Variants in MPPED2 observed in about 807,000 individuals in gnomAD.
MPPED2 encodes metallophosphoesterase MPPED2.
A neutral mutation model predicts 33.0 loss-of-function variants in MPPED2; 5 were observed. The ratio of observed to expected loss-of-function variants is 0.15; its 90% CI spans 0.08 to 0.32. The LOEUF (loss-of-function observed/expected upper bound fraction) is 0.32, where lower values mean the gene tolerates loss of function less well. Ranked by LOEUF, MPPED2 falls within the 10% of genes least tolerant of loss-of-function variation. The probability of loss-of-function intolerance (pLI) is 1.00; values close to 1 mark genes in which losing one functional copy is unlikely to be tolerated. For synonymous variants in MPPED2, 136 were observed against 141.9 expected, an observed-to-expected ratio of 0.96 and a Z score of 0.29; for missense variants, 275 against 372.1, an observed-to-expected ratio of 0.74 and a Z score of 2.15.
chr11:30,431,193 C>T (rs1215124361), intron 4 of MPPED2, among the ~76,000 whole-genome samples: 6 of 152,078 alleles, frequency 3.9e-5, no homozygotes, highest in Non-Finnish European at 7.4e-5. Flanking sequence ...TGGATTATTA[C>T]GATAAAAAGG....
At chr11:30,467,570 T>C (rs1950762611) in intron 4 of MPPED2, among the ~76,000 whole-genome samples, 1 of 152,126 alleles carries the variant, frequency 6.6e-6, no homozygotes, top group Non-Finnish European at 1.5e-5. Flanking sequence ...TCCCACCAAA[T>C]GGCCTGGATC....
At chr11:30,413,494 A>T (rs929270538) in intron 6 of MPPED2, among the ~76,000 whole-genome samples, 20 of 152,252 alleles carry the variant, frequency 1.3e-4, no homozygotes, top group African/African-American at 4.8e-4. Context: ...GAAAACCCAG[A>T]TCCCTTGAAG....
At chr11:30,431,462 G>A (rs1256943691) in intron 4 of MPPED2, among the ~76,000 whole-genome samples, 3 of 152,182 alleles carry the variant, frequency 2.0e-5, no homozygotes, top group African/African-American at 7.2e-5. Flanking sequence ...ACATTGTTGG[G>A]AACATTAAAT....
At chr11:30,513,401 G>A (rs1460628165) in intron 3 of MPPED2, among the ~76,000 whole-genome samples, 69 of 152,118 alleles carry the variant, frequency 4.5e-4, no homozygotes, top group Admixed American at 4.5e-3. Context: ...TCTACCAGTG[G>A]GCTCAGATAT....
At chr11:30,388,837 T>C in exon 7 of MPPED2, 5 of 1,505,482 alleles carry the variant, frequency 3.3e-6, no homozygotes, top group Non-Finnish European at 4.4e-6. Context: ...GCTCACACAA[T>C]GCTAATTCAT....
chr11:30,459,390 C>G (rs1950427735), intron 4 of MPPED2, among the ~76,000 whole-genome samples: 1 of 152,188 alleles, frequency 6.6e-6, no homozygotes, highest in East Asian at 1.9e-4. Flanking sequence ...TTGAAATACA[C>G]AACATCACTA....
At chr11:30,517,270 G>A (rs1953587395) in intron 3 of MPPED2, among the ~76,000 whole-genome samples, 1 of 152,102 alleles carries the variant, frequency 6.6e-6, no homozygotes, top group Admixed American at 6.5e-5. Flanking sequence ...GGGAAGGCAG[G>A]GCACAGCTCT....
chr11:30,492,411 T>A (rs2134188819), intron 4 of MPPED2, among the ~76,000 whole-genome samples: 1 of 152,260 alleles, frequency 6.6e-6, no homozygotes, highest in African/African-American at 2.4e-5. Context: ...GGAATAGCCT[T>A]AAATGTCCTG....
downstream of MPPED2, among the ~76,000 whole-genome samples, chr11:30,405,803 G>A (rs1444660814): frequency 6.6e-6 from 1 of 150,778 alleles, no homozygotes; most frequent in African/African-American, 2.5e-5. Flanking sequence ...ACAATTGACA[G>A]AATAAAAATC....
chr11:30,580,948 G>T (rs1957138660), intron 1 of MPPED2, among the ~76,000 whole-genome samples: 1 of 152,186 alleles, frequency 6.6e-6, no homozygotes, highest in African/African-American at 2.4e-5. Context: ...TGACAGATAA[G>T]AATTTAAAAT....
chr11:30,454,480 A>G (rs1291214216), intron 4 of MPPED2, among the ~76,000 whole-genome samples: 1 of 152,168 alleles, frequency 6.6e-6, no homozygotes, highest in Non-Finnish European at 1.5e-5. Context: ...AGAGGAAAAA[A>G]AATTATAAAT....
At chr11:30,461,551 T>G (rs1200465902) in intron 4 of MPPED2, among the ~76,000 whole-genome samples, 3 of 152,082 alleles carry the variant, frequency 2.0e-5, no homozygotes, top group Non-Finnish European at 4.4e-5. Flanking sequence ...CTGCTGTGAC[T>G]CAAACTACAA....
intron 3 of MPPED2, among the ~76,000 whole-genome samples, chr11:30,525,376 T>C (rs907114545): frequency 6.6e-6 from 1 of 152,158 alleles, no homozygotes; most frequent in African/African-American, 2.4e-5. Context: ...TTTGGAAAAG[T>C]TGAGAACTTT....
chr11:30,478,929 T>A (rs1951348645), intron 4 of MPPED2, among the ~76,000 whole-genome samples: 1 of 152,116 alleles, frequency 6.6e-6, no homozygotes, highest in Non-Finnish European at 1.5e-5. Flanking sequence ...AGAAAAAAGT[T>A]CTTGATGCTT....
At chr11:30,472,325 C>T (rs776070687) in intron 4 of MPPED2, among the ~76,000 whole-genome samples, 3 of 151,824 alleles carry the variant, frequency 2.0e-5, no homozygotes, top group South Asian at 2.1e-4. Flanking sequence ...GGTGCCATAG[C>T]GCTCCAGCCT....
chr11:30,389,757 G>T (rs1947747687), intron 6 of MPPED2, among the ~76,000 whole-genome samples: 1 of 152,206 alleles, frequency 6.6e-6, no homozygotes, highest in Non-Finnish European at 1.5e-5. Context: ...TCTCTGAGAG[G>T]CTGAGGCAGG....
chr11:30,508,582 T>C (rs2134288500), intron 3 of MPPED2, among the ~76,000 whole-genome samples: 1 of 152,292 alleles, frequency 6.6e-6, no homozygotes, highest in East Asian at 1.9e-4. Flanking sequence ...CCTAGCAAAG[T>C]AATACCCTTC....
intron 4 of MPPED2, among the ~76,000 whole-genome samples, chr11:30,467,555 AGGGCTCCCACCAAAT>A (rs1296086105): frequency 6.6e-6 from 1 of 152,178 alleles, no homozygotes; most frequent in African/African-American, 2.4e-5. Context: ...CACAGTCCAG[AGGGCTCCCACCAAAT>A]GGCCTGGATC....
rs929358932 is a variant in MPPED2, at chr11:30,459,174, G to A, written c.536+36122C>T. Among the ~76,000 whole-genome samples, 8 of 151,900 alleles carry A rather than the reference G, an allele frequency of 5.3e-5. No individual in the cohort carries two copies. The South Asian group carries it at 6.2e-4, about 12-fold the overall frequency. On this transcript the variant is annotated intron_variant, in intron 4 of 6. Transcript: ENST00000358117. ...GATCTCCTGACCTCGTGATCCGCCC[G>A]CCTCGGCCTCCCAAAGTGCTTGCAC...
Sources: allele counts gnomAD v4.1 joint callset (sites outside exome capture counted in the v4.1 genomes callset), GRCh38; gene constraint gnomAD v4.1.1; transcripts MANE v1.5; gene names NCBI Gene and HGNC (gene_info 2026-07-23, HGNC 2026-07-21).